The following UBE2V1 variants were observed in gnomAD, a reference collection of about 807,000 sequenced individuals.
UBE2V1 encodes the protein ubiquitin conjugating enzyme E2 V1.
A neutral mutation model predicts 19.6 loss-of-function variants in UBE2V1; 15 were observed. The ratio of observed to expected loss-of-function variants is 0.77; its 90% CI spans 0.51 to 1.18. The LOEUF (loss-of-function observed/expected upper bound fraction) is 1.18, where lower values mean the gene tolerates loss of function less well. Ranked by LOEUF, UBE2V1 falls within the 50% of genes most tolerant of loss-of-function variation. The probability of loss-of-function intolerance (pLI) is 0.00; values close to 1 mark genes in which losing one functional copy is unlikely to be tolerated. For synonymous variants in UBE2V1, 60 were observed against 60.7 expected, an observed-to-expected ratio of 0.99 and a Z score of 0.05; for missense variants, 125 against 184.8, an observed-to-expected ratio of 0.68 and a Z score of 1.88.
chr20:50,085,044 C>T (rs570496542), intron 2 of UBE2V1, among the ~76,000 whole-genome samples: 4 of 152,018 alleles, frequency 2.6e-5, no homozygotes, highest in African/African-American at 9.6e-5. Flanking sequence ...GCATGTGCCA[C>T]CATGGCCGGG....
chr20:50,111,098 T>C (rs1249774289), intron 1 of UBE2V1, among the ~76,000 whole-genome samples: 1 of 152,236 alleles, frequency 6.6e-6, no homozygotes, highest in Non-Finnish European at 1.5e-5. Context: ...TTGTTTGCTA[T>C]CCACGATGGG....
chr20:50,115,653 T>C (rs2080986906), upstream of UBE2V1: 5 of 1,316,344 alleles, frequency 3.8e-6, no homozygotes, highest in Non-Finnish European at 2.9e-6. Flanking sequence ...CTAAAACCCC[T>C]TGGGCACAGG....
chr20:50,088,192 A>T (rs1011485797), intron 2 of UBE2V1, among the ~76,000 whole-genome samples: 1 of 152,080 alleles, frequency 6.6e-6, no homozygotes, highest in Non-Finnish European at 1.5e-5. Context: ...GGGCATCAAA[A>T]ACAAGAAAAA....
rs74470163 is a variant in UBE2V1, at chr20:50,086,209, G to A, written c.172-1955C>T. 6.6e-5 allele frequency among the ~76,000 whole-genome samples: 10 copies of A among 152,088 alleles called. No individual in the cohort carries two copies. In the East Asian group the frequency reaches 1.9e-3, roughly 29 times the overall value. ...CTGCCCACCATTCCTCTTCAACCTTGCCAAGTTCTCTCCACCTTGGGGCTC... is the reference window on the plus strand; with the variant it reads ...CTGCCCACCATTCCTCTTCAACCTTACCAAGTTCTCTCCACCTTGGGGCTC... On this transcript the variant is annotated intron_variant, in intron 2 of 3. Coordinates refer to ENST00000371674, the MANE Select transcript of UBE2V1 (RefSeq NM_001032288.3).
At chr20:50,112,401 G>A (rs2080814297) in intron 1 of UBE2V1, among the ~76,000 whole-genome samples, 1 of 152,096 alleles carries the variant, frequency 6.6e-6, no homozygotes, top group Non-Finnish European at 1.5e-5. Context: ...TGGTAATGAT[G>A]GGGTCATTTC....
chr20:50,089,074 G>T (rs2079080371), intron 2 of UBE2V1, among the ~76,000 whole-genome samples: 1 of 152,140 alleles, frequency 6.6e-6, no homozygotes, highest in African/African-American at 2.4e-5. Flanking sequence ...TTTTATAACA[G>T]AATTTAATAT....
intron 3 of UBE2V1, 126 bp downstream of exon 3, chr20:50,084,003 A>T: frequency 6.9e-7 from 1 of 1,442,356 alleles, no homozygotes; most frequent in African/African-American, 1.4e-5. Flanking sequence ...TCCTATGCAC[A>T]GTGATACAGT....
At chr20:50,105,324 T>C (rs964700116) in intron 1 of UBE2V1, among the ~76,000 whole-genome samples, 3 of 152,174 alleles carry the variant, frequency 2.0e-5, no homozygotes, top group Non-Finnish European at 2.9e-5. Context: ...CCAAATATGG[T>C]TGGAATTCAG....
intron 1 of UBE2V1, among the ~76,000 whole-genome samples, chr20:50,102,402 T>C (rs745652478): frequency 6.6e-6 from 1 of 152,224 alleles, no homozygotes; most frequent in Non-Finnish European, 1.5e-5. Flanking sequence ...CAACCTTGTA[T>C]GCATCCTTGC....
chr20:50,100,841 CCTAA>C (rs1307585898), intron 1 of UBE2V1, among the ~76,000 whole-genome samples: 1 of 152,162 alleles, frequency 6.6e-6, no homozygotes, highest in Non-Finnish European at 1.5e-5. Context: ...TACCTTTTCA[CCTAA>C]CAATCAGATC....
chr20:50,108,894 A>AT, intron 1 of UBE2V1: 1 of 978,254 alleles, frequency 1.0e-6, no homozygotes, highest in Non-Finnish European at 1.2e-6. Flanking sequence ...GTAGCAGTAG[A>AT]CACTTCTTAC....
At chr20:50,099,522 T>C (rs934835321) in intron 1 of UBE2V1, among the ~76,000 whole-genome samples, 11 of 152,192 alleles carry the variant, frequency 7.2e-5, no homozygotes, top group African/African-American at 1.7e-4. Context: ...TCCTGATTTT[T>C]TTACAACAAT....
rs899240539 is a variant in UBE2V1 at position 50,105,069 on chromosome 20, A to AT, written c.22+8037dup. Among the ~76,000 whole-genome samples, 123 of 152,168 alleles carry AT rather than the reference A, an allele frequency of 8.1e-4. No homozygotes were observed. In the Middle Eastern group the frequency reaches 0.01, roughly 13 times the overall value. On this transcript the variant is annotated intron_variant, in intron 1 of 3. Coordinates refer to ENST00000371674, the MANE Select transcript of UBE2V1 (RefSeq NM_001032288.3). ...AATGAGAATTTTAGGAAAACTTACC[A>AT]TTTTTTTTAAAATAAGGGAAAACTG...
chr20:50,107,216 C>T (rs1156937126), intron 1 of UBE2V1, among the ~76,000 whole-genome samples: 1 of 152,186 alleles, frequency 6.6e-6, no homozygotes, highest in Non-Finnish European at 1.5e-5. Context: ...CGCAAACTCG[C>T]TAGAAATGTA....
intron 1 of UBE2V1, among the ~76,000 whole-genome samples, chr20:50,107,974 G>A (rs1489622053): frequency 6.6e-6 from 1 of 152,216 alleles, no homozygotes; most frequent in Non-Finnish European, 1.5e-5. Flanking sequence ...ACAGCAGTCA[G>A]GCCCATGAAG....
intron 1 of UBE2V1, among the ~76,000 whole-genome samples, chr20:50,105,081 A>G (rs906470419): frequency 1.5e-4 from 23 of 152,304 alleles, no homozygotes; most frequent in Non-Finnish European, 2.4e-4. Flanking sequence ...TTTTTTTAAA[A>G]TAAGGGAAAA....
Position 50,113,144 on chromosome 20 carries a change from C to T in UBE2V1, c.-16G>A, listed in dbSNP as rs943605320. Reference sequence around the variant, plus strand: ...TGGCTGCCATCTTGCGTCGCTCTTGCTTGAAGGCCGGCCCCTTCTTCACCC... The same window carrying T: ...TGGCTGCCATCTTGCGTCGCTCTTGTTTGAAGGCCGGCCCCTTCTTCACCC... On this transcript the variant is annotated 5_prime_UTR_variant, in exon 1 of 4. Transcript: ENST00000371674. The T allele has an allele frequency of 3.7e-6, 5 of 1,342,138 alleles. No homozygotes were observed. Among genetic ancestry groups the T allele is most frequent in the Non-Finnish European group, 4.8e-6 (5 of 1,033,524 alleles). The allele number at this position is 1,342,138 out of a possible 1,614,324, so 83.1% of individuals were successfully genotyped here. A position where few individuals can be genotyped will look rare whatever the true frequency, so the allele number is the denominator to read the frequency against.
chr20:50,113,082 G>C, intron 1 of UBE2V1, 25 bp downstream of exon 1: 1 of 1,166,204 alleles, frequency 8.6e-7, no homozygotes, highest in Non-Finnish European at 1.1e-6. Flanking sequence ...CCCCTCGGCC[G>C]GCCGGGCCCG....
chr20:50,090,397 C>T (rs1317628114), intron 2 of UBE2V1, among the ~76,000 whole-genome samples: 1 of 150,906 alleles, frequency 6.6e-6, no homozygotes, highest in Non-Finnish European at 1.5e-5. Flanking sequence ...TTGCTTGAAC[C>T]TGGGAGGCGG....
Sources: gnomAD v4.1 joint callset for allele counts (sites outside exome capture counted in the v4.1 genomes callset) on GRCh38, gnomAD v4.1.1 for gene constraint, MANE v1.5 for transcripts, NCBI Gene and HGNC (gene_info 2026-07-23, HGNC 2026-07-21) for gene names.